The following RPS8 variants were observed in gnomAD, a reference collection of about 807,000 sequenced individuals.
The protein encoded by RPS8 is small ribosomal subunit protein eS8.
For missense variants in RPS8, 141 were observed against 269.7 expected (o/e 0.52, Z 3.34); for synonymous variants, 100 against 100.7 (o/e 0.99, Z 0.04).
At chr1:44,775,949 C>T (rs756277892) in intron 1 of RPS8, 85 bp from the exon 2 acceptor site, 1 of 1,307,208 alleles carries the variant, frequency 7.6e-7, no homozygotes, top group South Asian at 1.2e-5. Flanking sequence ...GTGCGACCGG[C>T]CCGGCGCGGG....
intron 1 of RPS8, 98 bp downstream of exon 1, chr1:44,775,698 C>A: frequency 6.6e-7 from 1 of 1,508,948 alleles, no homozygotes; most frequent in Non-Finnish European, 9.2e-7. Flanking sequence ...ACGCCCCGAC[C>A]CCCGGCCAGG....
At chr1:44,778,175 T>A (rs1454614764) in intron 5 of RPS8, 46 bp downstream of exon 5, 6 of 1,587,882 alleles carry the variant, frequency 3.8e-6, no homozygotes, top group Non-Finnish European at 5.1e-6. Context: ...AGAGATTGAG[T>A]GTGCCGAGGC....
chr1:44,778,331 T>C (rs990118581), intron 5 of RPS8: 1 of 830,908 alleles, frequency 1.2e-6, no homozygotes, highest in Non-Finnish European at 2.1e-6. Flanking sequence ...AGAGTCTGCA[T>C]AGGCCCGTGC....
In RPS8 at chr1:44,775,970, A is replaced by C. The variant is rs776240593; in HGVS notation, c.5-64A>C. The C allele has an allele frequency of 3.4e-6, 5 of 1,482,770 alleles. No individual in the cohort carries two copies. The Admixed American group carries it at 8.4e-5, about 25-fold the overall frequency. The allele number at this position is 1,482,770 out of a possible 1,614,324, so 91.9% of individuals were successfully genotyped here. On this transcript the variant is annotated intron_variant, in intron 1 of 5. Transcript: ENST00000396651. Reference sequence around the variant, plus strand: ...CCGGCCCGGCGCGGGGGTCTCCGGGAGCTGGCGAGTCGCTAGCACCGAGTC... The same window carrying C: ...CCGGCCCGGCGCGGGGGTCTCCGGGCGCTGGCGAGTCGCTAGCACCGAGTC...
Position 44,776,145 on chromosome 1 carries a change from G to A in RPS8, c.111+5G>A. 3 of 1,590,726 alleles carry A rather than the reference G, an allele frequency of 1.9e-6. No individual in the cohort carries two copies. The highest frequency in any genetic ancestry group is 2.6e-6 in the Non-Finnish European group (3 of 1,170,230). ...CGCCCAGCTGCCAACACCAAGGTGG[G>A]TGCGAGCGTGGGCCTGTCCGCCTGG... is the stretch of plus-strand genomic sequence containing the variant. On this transcript the variant is annotated splice_donor_5th_base_variant and intron_variant, in intron 2 of 5. Transcript: ENST00000396651.
At chr1:44,777,290 CAAATTCTTGGCTT>C (rs1182575349) in intron 3 of RPS8, 1 of 265,040 alleles carries the variant, frequency 3.8e-6, no homozygotes, top group Non-Finnish European at 7.3e-6. Context: ...AGGCTGGTCT[CAAATTCTTGGCTT>C]TAAGTGATCC....
At chr1:44,775,781 G>A (rs1573589001) in intron 1 of RPS8, 181 bp downstream of exon 1, 8 of 922,254 alleles carry the variant, frequency 8.7e-6, no homozygotes, top group African/African-American at 5.0e-5. Context: ...AAGGCTCTGG[G>A]CTCCGGGTTC....
In RPS8 at chr1:44,777,980, T is replaced by C. The variant is rs377578277; in HGVS notation, c.388-20T>C. 2.4e-5 allele frequency: 38 copies of C among 1,613,468 alleles called. No homozygotes were observed. In the East Asian group the frequency reaches 4.0e-4, roughly 17 times the overall value. On this transcript the variant is annotated intron_variant, in intron 4 of 5. Transcript: ENST00000396651. The stretch of plus-strand genomic sequence containing the variant: ...CCTGCCTTCCTTCCCTGAGCTCATA[T>C]ATTTGTATCCCCTTTTCAGACTCCT...
At chr1:44,776,809 G>A in intron 3 of RPS8, 35 bp downstream of exon 3, 4 of 1,486,058 alleles carry the variant, frequency 2.7e-6, no homozygotes, top group South Asian at 2.4e-5. Flanking sequence ...GTGGGAAAAC[G>A]CACCTAAACG....
intron 1 of RPS8, 138 bp from the exon 2 acceptor site, chr1:44,775,895 AC>A (rs780385174): frequency 2.3e-6 from 2 of 867,414 alleles, no homozygotes; most frequent in East Asian, 4.8e-5. Context: ...AATGCTGCAT[AC>A]TCCCGAGTGC....
At chr1:44,776,379 C>T in intron 2 of RPS8, 2 of 704,408 alleles carry the variant, frequency 2.8e-6, no homozygotes, top group Non-Finnish European at 5.1e-6. Context: ...TGTGTGGGGA[C>T]TTGAGCTTCT....
intron 3 of RPS8, chr1:44,777,077 T>C: frequency 3.6e-6 from 1 of 280,180 alleles, no homozygotes; most frequent in Non-Finnish European, 6.8e-6. Flanking sequence ...GCTGTCCTGC[T>C]CCAATCTCTT....
At chr1:44,776,795 G>A (rs775697921) in intron 3 of RPS8, 21 bp downstream of exon 3, 1 of 1,560,508 alleles carries the variant, frequency 6.4e-7, no homozygotes, top group Admixed American at 2.0e-5. Context: ...CCCTTTGGGA[G>A]TGGGTGGGAA....
At chr1:44,776,547 G>C in intron 2 of RPS8, 128 bp from the exon 3 acceptor site, 1 of 826,874 alleles carries the variant, frequency 1.2e-6, no homozygotes, top group South Asian at 1.3e-5. Flanking sequence ...GGTCACCTGT[G>C]TGCCACTTGC....
chr1:44,777,690 G>C lies in RPS8; in HGVS notation c.288G>C (p.Leu96=). The stretch of plus-strand genomic sequence containing the variant: ...ACGAGCTGGTTCGTACCAAGACCCT[G>C]GTGAAGAATTGCATCGTGCTCATCG... The part of the protein sequence containing the change: ...SNNELVRTKT[L]VKNCIVLIDS... Residue 96 remains leucine (L), a synonymous_variant, in exon 4 of 6, where the codon CTG becomes CTC. Transcript: ENST00000396651. 1 of 1,613,964 alleles carries C rather than the reference G, an allele frequency of 6.2e-7. No homozygotes were observed.
chr1:44,776,911 C>A, intron 3 of RPS8, 137 bp downstream of exon 3: 1 of 590,506 alleles, frequency 1.7e-6, no homozygotes. Context: ...CACCTGAGGT[C>A]AGGAGTTCGA....
chr1:44,776,853 G>A, intron 3 of RPS8, 79 bp downstream of exon 3: 1 of 1,093,118 alleles, frequency 9.1e-7, no homozygotes, highest in African/African-American at 1.6e-5. Context: ...CTGGCGCGGT[G>A]GCTCACGCCT....
chr1:44,778,428 A>G (rs747267405), intron 5 of RPS8, 148 bp from the exon 6 acceptor site: 5 of 818,260 alleles, frequency 6.1e-6, no homozygotes, highest in South Asian at 5.4e-5. Flanking sequence ...TGCTACTGAC[A>G]GTAAGTGAAG....
intron 4 of RPS8, 91 bp from the exon 5 acceptor site, chr1:44,777,909 G>A (rs1650915421): frequency 6.3e-7 from 1 of 1,585,126 alleles, no homozygotes; most frequent in African/African-American, 1.3e-5. Flanking sequence ...TTTAGGCTGA[G>A]GAAGGCCAGC....
Sources: gnomAD v4.1 joint callset for allele counts on GRCh38, gnomAD v4.1.1 for gene constraint, MANE v1.5 for transcripts, NCBI Gene and HGNC (gene_info 2026-07-23, HGNC 2026-07-21) for gene names.